The following ABCA13 variants were observed in gnomAD, a reference collection of about 807,000 sequenced individuals.
ABCA13 encodes ATP-binding cassette sub-family A member 13.
In ABCA13, 476 loss-of-function variants were observed where a neutral mutation model predicts 478.7. The ratio of observed to expected loss-of-function variants is 0.99; its 90% CI spans 0.92 to 1.07. The LOEUF is 1.07. Ranked by LOEUF, ABCA13 falls within the 50% of genes least tolerant of loss-of-function variation. The pLI, the probability that ABCA13 is intolerant of heterozygous loss-of-function variation, is 0.00. For missense variants in ABCA13, 6,060 were observed against 5,910.6 expected, an observed-to-expected ratio of 1.03 and a Z score of -0.83; for synonymous variants, 2,252 against 2,158.9, an observed-to-expected ratio of 1.04 and a Z score of -1.20.
chr7:48,595,696 G>A (rs1291854939), intron 58 of ABCA13, among the ~76,000 whole-genome samples: 1 of 152,184 alleles, frequency 6.6e-6, no homozygotes, highest in Non-Finnish European at 1.5e-5. Flanking sequence ...TGCACACAGA[G>A]GAGAGGAATG....
At chr7:48,323,536 A>G (rs1584843095) in intron 27 of ABCA13, among the ~76,000 whole-genome samples, 2 of 152,154 alleles carry the variant, frequency 1.3e-5, no homozygotes, top group East Asian at 1.9e-4. Flanking sequence ...CATTAATTTC[A>G]TTTACTGAGC....
Position 48,273,174 on chromosome 7 carries a change from A to G in ABCA13, c.3508A>G (p.Asn1170Asp), listed in dbSNP as rs750414143. ...TISQLFKFDM[N>D]VFTSLHHGFT... ...ATCTCAATTATTTAAGTTTGACATGAATGTTTTCACATCTCTTCATCATGG... is the reference window on the plus strand; with the variant it reads ...ATCTCAATTATTTAAGTTTGACATGGATGTTTTCACATCTCTTCATCATGG... Residue 1170 changes from asparagine (N) to aspartate (D), a missense_variant, in exon 17 of 62, where the codon AAT becomes GAT. Asn to Asp is a conservative substitution (Grantham distance 23). Coordinates refer to ENST00000435803, the MANE Select transcript of ABCA13 (RefSeq NM_152701.5). 1 of 1,613,678 alleles carries G rather than the reference A, an allele frequency of 6.2e-7. No individual in the cohort carries two copies. The highest frequency in any genetic ancestry group is 8.5e-7 in the Non-Finnish European group (1 of 1,179,730).
chr7:48,211,766 A>G (rs2128944454), intron 3 of ABCA13, among the ~76,000 whole-genome samples: 1 of 152,146 alleles, frequency 6.6e-6, no homozygotes, highest in Non-Finnish European at 1.5e-5. Context: ...ATTGGGAAGC[A>G]AAGGCCTGGA....
At chr7:48,221,021 A>T (rs934883974) in intron 4 of ABCA13, among the ~76,000 whole-genome samples, 2 of 152,168 alleles carry the variant, frequency 1.3e-5, no homozygotes, top group African/African-American at 4.8e-5. Flanking sequence ...TAAATAATAC[A>T]ATACCCTTTG....
In ABCA13 at chr7:48,279,057, ACT is replaced by A; in HGVS notation, c.7867_7868del (p.Ser2623IlefsTer6). The A allele has an allele frequency of 6.2e-7, 1 of 1,613,018 alleles. No individual in the cohort carries two copies. Among genetic ancestry groups the A allele is most frequent in the African/African-American group, 1.3e-5 (1 of 75,020 alleles). On this transcript the variant is annotated frameshift_variant, in exon 18 of 62. Coordinates refer to ENST00000435803, the MANE Select transcript of ABCA13 (RefSeq NM_152701.5). LOFTEE classifies it high-confidence loss of function. ...SDIFSMSPSI[L>X]SYMNQSKDFS... ...ATATTTTCAGTATGTCACCTAGCAT[ACT>A]CTCATATATGAACCAATCTAAGGAC...
At chr7:48,268,685 G>A (rs777705113) in intron 15 of ABCA13, among the ~76,000 whole-genome samples, 4 of 151,900 alleles carry the variant, frequency 2.6e-5, no homozygotes, top group Non-Finnish European at 5.9e-5. Context: ...TCTCCTTCCT[G>A]TGCCATGGCC....
At chr7:48,488,688 A>C (rs1241766518) in intron 47 of ABCA13, among the ~76,000 whole-genome samples, 1 of 152,120 alleles carries the variant, frequency 6.6e-6, no homozygotes, top group Non-Finnish European at 1.5e-5. Flanking sequence ...TGATGGTTTG[A>C]TTAGTGTTTT....
At chr7:48,418,156 G>C (rs1042229268) in intron 41 of ABCA13, among the ~76,000 whole-genome samples, 1 of 152,198 alleles carries the variant, frequency 6.6e-6, no homozygotes, top group Admixed American at 6.5e-5. Flanking sequence ...TCTGTGTGCA[G>C]ATTTTTGTGT....
intron 38 of ABCA13, among the ~76,000 whole-genome samples, chr7:48,396,939 A>G (rs1033308882): frequency 6.6e-6 from 1 of 152,250 alleles, no homozygotes; most frequent in African/African-American, 2.4e-5. Flanking sequence ...ATGAGGCAGT[A>G]TTATGAACAT....
chr7:48,186,213 C>T (rs1796331251), intron 1 of ABCA13, among the ~76,000 whole-genome samples: 1 of 152,058 alleles, frequency 6.6e-6, no homozygotes, highest in Middle Eastern at 3.5e-3. Flanking sequence ...TTAAAGCATA[C>T]TATTTGAAAG....
intron 31 of ABCA13, among the ~76,000 whole-genome samples, chr7:48,353,805 G>A (rs908264720): frequency 3.9e-5 from 6 of 151,908 alleles, no homozygotes; most frequent in African/African-American, 1.5e-4. Context: ...AGTGTGGTGC[G>A]GTGAACAAAA....
At chr7:48,216,310 T>C (rs1335896740) in intron 3 of ABCA13, among the ~76,000 whole-genome samples, 4 of 152,188 alleles carry the variant, frequency 2.6e-5, no homozygotes, top group Non-Finnish European at 5.9e-5. Flanking sequence ...AGTTATCCCA[T>C]TGTGATTTTG....
rs773150925 is a variant in ABCA13 at position 48,271,985 on chromosome 7, G to T, written c.2319G>T (p.Leu773=). 1.9e-6 allele frequency: 3 copies of T among 1,613,562 alleles called. No homozygotes were observed. In the Admixed American group the frequency reaches 5.0e-5, roughly 27 times the overall value. ...LTEDILNISS[L]WTNHLKSLKR... is the part of the protein sequence containing the mutation. ...AGGATATTCTGAATATAAGTTCTCT[G>T]TGGACAAATCATTTAAAAAGTTTAA... The change falls in exon 17 of 62, where the codon CTG becomes CTT. Residue 773 remains leucine, a synonymous_variant. Transcript: ENST00000435803.
At chr7:48,178,138 T>A (rs1327761202) in intron 1 of ABCA13, among the ~76,000 whole-genome samples, 1 of 152,194 alleles carries the variant, frequency 6.6e-6, no homozygotes, top group African/African-American at 2.4e-5. Flanking sequence ...TTTCAATTGA[T>A]CTGAATTTGC....
At chr7:48,187,046 CAT>C (rs1174298576) in intron 1 of ABCA13, among the ~76,000 whole-genome samples, 298 of 144,238 alleles carry the variant, frequency 2.1e-3, no homozygotes, top group African/African-American at 7.5e-3. Flanking sequence ...TCAGTGTATA[CAT>C]ATATATATCA....
At chr7:48,415,137 C>A (rs1274846894) in intron 41 of ABCA13, among the ~76,000 whole-genome samples, 1 of 152,174 alleles carries the variant, frequency 6.6e-6, no homozygotes, top group East Asian at 1.9e-4. Context: ...TCAGACACCA[C>A]AGTTGTCACT....
chr7:48,442,120 CAG>C (rs796094682), intron 42 of ABCA13, among the ~76,000 whole-genome samples: 9 of 152,306 alleles, frequency 5.9e-5, no homozygotes, highest in African/African-American at 2.2e-4. Context: ...CATGAACACA[CAG>C]AGTGTCCCAT....
intron 58 of ABCA13, among the ~76,000 whole-genome samples, chr7:48,606,912 C>T (rs1046314041): frequency 4.6e-5 from 7 of 152,158 alleles, no homozygotes; most frequent in East Asian, 1.9e-4. Flanking sequence ...GATGCCCTGC[C>T]GAGAGAGGAG....
intron 25 of ABCA13, 26 bp from the exon 26 acceptor site, chr7:48,314,206 G>A (rs1303182501): frequency 1.2e-6 from 2 of 1,604,274 alleles, no homozygotes; most frequent in South Asian, 2.3e-5. Flanking sequence ...CTATGTAATT[G>A]CAATTTAGTT....
Sources: gnomAD v4.1 joint callset for allele counts (sites outside exome capture counted in the v4.1 genomes callset) on GRCh38, gnomAD v4.1.1 for gene constraint, MANE v1.5 for transcripts, NCBI Gene and HGNC (gene_info 2026-07-23, HGNC 2026-07-21) for gene names.